Variants in MCCC1 observed in about 807,000 individuals in gnomAD.
The protein encoded by MCCC1 is methylcrotonoyl-CoA carboxylase subunit alpha, mitochondrial.
A neutral mutation model predicts 83.8 loss-of-function variants in MCCC1; 64 were observed. The observed-to-expected ratio is 0.76, with a 90% CI of 0.62 to 0.94. The LOEUF (loss-of-function observed/expected upper bound fraction) is 0.94, where lower values mean the gene tolerates loss of function less well. Among genes scored for constraint, MCCC1 ranks in the 40% least tolerant of loss-of-function variants. The pLI, the probability that MCCC1 is intolerant of heterozygous loss-of-function variation, is 0.00. For synonymous variants in MCCC1, 322 were observed against 315.4 expected (o/e 1.02, Z -0.22); for missense variants, 807 against 904.7 (o/e 0.89, Z 1.39).
intron 1 of MCCC1, chr3:183,098,634 T>C (rs1718915263): frequency 2.6e-5 from 4 of 152,524 alleles, no homozygotes; most frequent in Admixed American, 2.6e-4. Context: ...CAAAGCTATC[T>C]ACAAGCCTGA....
chr3:183,055,762 T>C (rs562747625), intron 8 of MCCC1, among the ~76,000 whole-genome samples: 2 of 151,894 alleles, frequency 1.3e-5, no homozygotes, highest in African/African-American at 4.8e-5. Context: ...TAGCCAGGCA[T>C]GGTGGCATGC....
At chr3:183,054,718 C>T (rs1715281138) in intron 8 of MCCC1, among the ~76,000 whole-genome samples, 1 of 152,160 alleles carries the variant, frequency 6.6e-6, no homozygotes, top group South Asian at 2.1e-4. Flanking sequence ...CACTCACTGT[C>T]CCACCCAGAG....
chr3:183,073,840 A>C (rs1477938609), intron 4 of MCCC1, among the ~76,000 whole-genome samples: 5 of 152,246 alleles, frequency 3.3e-5, no homozygotes, highest in Non-Finnish European at 4.4e-5. Context: ...AATTGCCACC[A>C]TCATTGCTCT....
At chr3:183,046,518 C>T (rs552762939) in intron 9 of MCCC1, among the ~76,000 whole-genome samples, 2 of 152,080 alleles carry the variant, frequency 1.3e-5, no homozygotes, top group East Asian at 3.9e-4. Context: ...CCACCTCAGC[C>T]TCCTGAGTAG....
intron 17 of MCCC1, 101 bp downstream of exon 17, chr3:183,020,029 A>G: frequency 2.2e-6 from 2 of 894,552 alleles, no homozygotes; most frequent in South Asian, 2.8e-5. Flanking sequence ...ATGCTTTCCA[A>G]TGAGCAAGGT....
At chr3:183,100,682 G>C (rs1719182423), upstream of MCCC1, among the ~76,000 whole-genome samples, 1 of 152,240 alleles carries the variant, frequency 6.6e-6, no homozygotes, top group African/African-American at 2.4e-5. Context: ...TAACTACGCT[G>C]GGTGCTGTGG....
intron 7 of MCCC1, among the ~76,000 whole-genome samples, chr3:183,070,640 G>A (rs1458362562): frequency 2.6e-5 from 4 of 151,930 alleles, no homozygotes; most frequent in Non-Finnish European, 5.9e-5. Flanking sequence ...GGCTGAGGCA[G>A]GACAATCGCT....
chr3:183,089,508 G>A (rs1396717615), intron 3 of MCCC1, among the ~76,000 whole-genome samples: 1 of 152,150 alleles, frequency 6.6e-6, no homozygotes, highest in East Asian at 1.9e-4. Context: ...CAGCTACTCA[G>A]GAGGCTGAGG....
chr3:183,089,656 G>A (rs891072125), intron 3 of MCCC1, among the ~76,000 whole-genome samples: 2 of 152,024 alleles, frequency 1.3e-5, no homozygotes, highest in African/African-American at 4.8e-5. Flanking sequence ...TTATAGGTGG[G>A]AGGGGGTGGA....
At chr3:183,065,309 G>A (rs950895110) in intron 7 of MCCC1, among the ~76,000 whole-genome samples, 2 of 152,096 alleles carry the variant, frequency 1.3e-5, no homozygotes, top group Non-Finnish European at 2.9e-5. Context: ...TTTCACAATG[G>A]TATACCGGGT....
chr3:183,074,829 C>T (rs1716948181), intron 4 of MCCC1, among the ~76,000 whole-genome samples: 1 of 152,048 alleles, frequency 6.6e-6, no homozygotes, highest in African/African-American at 2.4e-5. Flanking sequence ...GGTATTAAGC[C>T]CAGTATTCAA....
chr3:183,017,292 T>A lies in MCCC1; in HGVS notation c.2023A>T (p.Met675Leu). Residue 675 changes from methionine (M) to leucine (L), a missense_variant, in exon 18 of 19, where the codon ATG becomes TTG. Physicochemically the swap from Met to Leu is conservative, Grantham distance 15. Coordinates refer to ENST00000265594, the MANE Select transcript of MCCC1 (RefSeq NM_020166.5). ...GDKVKAGDSL[M>L]VMIAMKMEHT... ...TCCATCTTCATGGCGATCATAACCA[T>A]GAGGGAATCTCCCGCTTTCACTTTG... 2 of 1,613,978 alleles carry A rather than the reference T, an allele frequency of 1.2e-6. No homozygotes were observed. The highest frequency in any genetic ancestry group is 1.7e-6 in the Non-Finnish European group (2 of 1,180,016).
At chr3:183,095,320 T>C (rs1718663761) in intron 1 of MCCC1, among the ~76,000 whole-genome samples, 1 of 152,132 alleles carries the variant, frequency 6.6e-6, no homozygotes, top group Admixed American at 6.6e-5. Context: ...AAAACTCTTT[T>C]GGTTCTTTCA....
intron 2 of MCCC1, among the ~76,000 whole-genome samples, chr3:183,093,887 AG>A (rs1440964595): frequency 6.6e-6 from 1 of 152,080 alleles, no homozygotes; most frequent in Admixed American, 6.6e-5. Flanking sequence ...TTGGAAAAAA[AG>A]GTTTTGCTAC....
intron 9 of MCCC1, among the ~76,000 whole-genome samples, chr3:183,048,968 T>C (rs928719187): frequency 2.0e-5 from 3 of 152,220 alleles, no homozygotes; most frequent in African/African-American, 7.2e-5. Context: ...CCTAAGATAT[T>C]TGGATGTTAA....
At chr3:183,026,468 T>C (rs764836010) in intron 14 of MCCC1, among the ~76,000 whole-genome samples, 16 of 152,150 alleles carry the variant, frequency 1.1e-4, no homozygotes, top group Non-Finnish European at 2.2e-4. Context: ...TCCCAGCACT[T>C]TGGGAGGCAG....
intron 7 of MCCC1, among the ~76,000 whole-genome samples, chr3:183,067,371 G>A (rs772814259): frequency 1.3e-5 from 2 of 152,180 alleles, no homozygotes; most frequent in South Asian, 4.1e-4. Flanking sequence ...ATTCCTTATG[G>A]AAGAGTTATA....
intron 1 of MCCC1, among the ~76,000 whole-genome samples, chr3:183,114,273 T>C (rs1719552163): frequency 1.3e-5 from 2 of 152,234 alleles, no homozygotes; most frequent in Admixed American, 1.3e-4. Context: ...ACTTAACTTC[T>C]GTAAAATTGT....
At chr3:183,060,229 A>G (rs768982657) in intron 7 of MCCC1, among the ~76,000 whole-genome samples, 2 of 151,958 alleles carry the variant, frequency 1.3e-5, no homozygotes, top group Non-Finnish European at 2.9e-5. Flanking sequence ...AGGATCACTG[A>G]TTTTTGTTGT....
Sources: allele counts gnomAD v4.1 joint callset (sites outside exome capture counted in the v4.1 genomes callset), GRCh38; gene constraint gnomAD v4.1.1; transcripts MANE v1.5; gene names NCBI Gene and HGNC (gene_info 2026-07-23, HGNC 2026-07-21).